Variants in NRAP observed in about 807,000 individuals in gnomAD.
The protein encoded by NRAP is nebulin related anchoring protein, also known as nebulin-related-anchoring protein.
NRAP carries 189 observed loss-of-function variants against 225.9 expected under a neutral mutation model. The observed-to-expected ratio is 0.84, with a 90% CI of 0.74 to 0.94. The LOEUF is 0.94. Ranked by LOEUF, NRAP falls within the 40% of genes least tolerant of loss-of-function variation. The pLI, the probability that NRAP is intolerant of heterozygous loss-of-function variation, is 0.00. For missense variants in NRAP, 2,176 were observed against 2,168.7 expected (o/e 1.00, Z -0.07); for synonymous variants, 769 against 790.7 (o/e 0.97, Z 0.46).
Position 113,606,184 on chromosome 10 carries a change from C to G in NRAP, c.3801G>C (p.Leu1267=). The part of the protein sequence containing the change: ...FIRAKTNAAN[L]SDARYKESWR... ...AAGTAACAAAAGGGCTTACGTCACT[C>G]AGGTTGGCTGCATTCGTTTTTGCTC... The change falls in exon 33 of 42, where the codon CTG becomes CTC. Residue 1267 remains leucine (L), a synonymous_variant. Transcript: ENST00000359988. 1 of 1,612,188 alleles carries G rather than the reference C, an allele frequency of 6.2e-7. No homozygotes were observed. The highest frequency in any genetic ancestry group is 1.7e-5 in the Admixed American group (1 of 60,016).
chr10:113,662,870 A>C, intron 2 of NRAP, 104 bp from the exon 3 acceptor site: 1 of 553,126 alleles, frequency 1.8e-6, no homozygotes, highest in Non-Finnish European at 3.1e-6. Flanking sequence ...ATTTTTAAAA[A>C]ATCAATAAAT....
chr10:113,617,378 G>C, intron 26 of NRAP, 77 bp downstream of exon 26: 1 of 920,568 alleles, frequency 1.1e-6, no homozygotes. Context: ...GCAAACCCAA[G>C]AACCCCTCCG....
intron 26 of NRAP, 71 bp downstream of exon 26, chr10:113,617,384 C>T: frequency 1.0e-6 from 1 of 971,774 alleles, no homozygotes; most frequent in Admixed American, 1.7e-5. Flanking sequence ...CCAAGAACCC[C>T]TCCGCTTCAA....
At chr10:113,623,707 A>G in intron 22 of NRAP, 71 bp from the exon 23 acceptor site, 3 of 964,926 alleles carry the variant, frequency 3.1e-6, no homozygotes, top group Non-Finnish European at 4.9e-6. Flanking sequence ...GCATTTCTCT[A>G]GATTCTAATG....
rs150234975 is a variant in NRAP, at chr10:113,592,499, C to T, written c.4537-198G>A. Among the ~76,000 whole-genome samples the T allele has an allele frequency of 4.5e-3, 680 of 152,098 alleles. 8 individuals are homozygous for T. The highest frequency in any genetic ancestry group is 0.016 in the African/African-American group (651 of 41,504). On this transcript the variant is annotated intron_variant, in intron 38 of 41. Transcript: ENST00000359988. ...GTAAAAGGCTTCAGCTCTAAGCCCC[C>T]AACCCGCCCACCCATTAGGCCCTGC...
chr10:113,599,334 C>CA, intron 35 of NRAP, among the ~76,000 whole-genome samples: 1 of 152,300 alleles, frequency 6.6e-6, no homozygotes, highest in East Asian at 1.9e-4. Flanking sequence ...GAGCAGGTTT[C>CA]AAAACCCCAT....
chr10:113,625,691 G>A (rs1051972928), intron 21 of NRAP, among the ~76,000 whole-genome samples: 2 of 152,132 alleles, frequency 1.3e-5, no homozygotes, highest in South Asian at 2.1e-4. Flanking sequence ...CACCCCAAAC[G>A]CAAATGTTTT....
intron 4 of NRAP, among the ~76,000 whole-genome samples, chr10:113,656,328 G>A (rs949036732): frequency 6.6e-6 from 1 of 152,114 alleles, no homozygotes; most frequent in African/African-American, 2.4e-5. Context: ...CCACTTCGAG[G>A]TGTCCTGCCT....
chr10:113,645,513 G>A (rs1206764687), intron 11 of NRAP, among the ~76,000 whole-genome samples: 1 of 152,184 alleles, frequency 6.6e-6, no homozygotes, highest in East Asian at 1.9e-4. Flanking sequence ...CGCCTCCCGA[G>A]TTCAAGCAAT....
At chr10:113,657,241 A>T (rs1850363378) in intron 4 of NRAP, among the ~76,000 whole-genome samples, 1 of 152,188 alleles carries the variant, frequency 6.6e-6, no homozygotes. Flanking sequence ...AACCTGGGTG[A>T]TAGAAATACA....
intron 30 of NRAP, among the ~76,000 whole-genome samples, chr10:113,611,092 T>C (rs1847291410): frequency 6.6e-6 from 1 of 151,016 alleles, no homozygotes. Context: ...GTTTAAAGAG[T>C]TCCCACATTC....
chr10:113,649,185 C>T (rs1254176845), intron 9 of NRAP, among the ~76,000 whole-genome samples: 1 of 152,240 alleles, frequency 6.6e-6, no homozygotes, highest in African/African-American at 2.4e-5. Context: ...GACCTTCACA[C>T]ACATCCTAAG....
chr10:113,640,386 G>T, intron 13 of NRAP, 55 bp from the exon 14 acceptor site: 1 of 1,069,584 alleles, frequency 9.3e-7, no homozygotes, highest in Non-Finnish European at 1.4e-6. Context: ...CTTTCTTTTG[G>T]CTTTGTTTGA....
intron 25 of NRAP, among the ~76,000 whole-genome samples, 168 bp downstream of exon 25, chr10:113,620,436 T>C (rs553557543): frequency 6.6e-6 from 1 of 152,310 alleles, no homozygotes; most frequent in South Asian, 2.1e-4. Flanking sequence ...CTGGTGTGTG[T>C]TTCGTACGTG....
chr10:113,589,111 T>G (rs1220608678), intron 41 of NRAP, 32 bp from the exon 42 acceptor site: 6 of 1,585,944 alleles, frequency 3.8e-6, no homozygotes, highest in Non-Finnish European at 5.2e-6. Flanking sequence ...CAAGTTAAAA[T>G]GAAGCTCCCC....
At position 113,610,042 on chromosome 10, in the gene NRAP, C is replaced by T. The variant is rs1335174713; in HGVS notation, c.3603+417G>A. On this transcript the variant is annotated intron_variant, in intron 31 of 41. Transcript: ENST00000359988. ...TGCTAAGAGTTTAACATCCAACTGGCTTTAGTGGTAAGAAACAAACTGATT... is the reference window on the plus strand; with the variant it reads ...TGCTAAGAGTTTAACATCCAACTGGTTTTAGTGGTAAGAAACAAACTGATT... Among the ~76,000 whole-genome samples the T allele has an allele frequency of 4.6e-5, 7 of 151,724 alleles. No homozygotes were observed. In the East Asian group the frequency reaches 1.4e-3, roughly 29 times the overall value.
chr10:113,632,488 T>C (rs1212353274), intron 16 of NRAP, among the ~76,000 whole-genome samples: 1 of 152,224 alleles, frequency 6.6e-6, no homozygotes, highest in Non-Finnish European at 1.5e-5. Context: ...AGAGCTCACC[T>C]ACGGTTACAT....
At chr10:113,594,621 C>G (rs1055729119) in intron 38 of NRAP, among the ~76,000 whole-genome samples, 1 of 152,266 alleles carries the variant, frequency 6.6e-6, no homozygotes, top group African/African-American at 2.4e-5. Context: ...CCCACCAGAG[C>G]TGCTGTTCTA....
rs777438340 is a variant in NRAP at position 113,641,318 on chromosome 10, G to A, written c.1323+47C>T. 4 of 1,129,206 alleles carry A rather than the reference G, an allele frequency of 3.5e-6. No homozygotes were observed. The East Asian group carries it at 9.4e-5, about 27-fold the overall frequency. 69.9% of individuals were successfully genotyped at this position (1,129,206 alleles called of 1,614,324 possible). On this transcript the variant is annotated intron_variant, in intron 13 of 41. Transcript: ENST00000359988. ...AAAAAGAATTGGCTGAATTCTTCAT[G>A]CCCTGCCCCACTCCATCCCAACAGA...
Sources: gnomAD v4.1 joint callset for allele counts (sites outside exome capture counted in the v4.1 genomes callset) on GRCh38, gnomAD v4.1.1 for gene constraint, MANE v1.5 for transcripts, NCBI Gene and HGNC (gene_info 2026-07-23, HGNC 2026-07-21) for gene names.